RPIA: variants seen among roughly 807,000 people sequenced by gnomAD.
The protein encoded by RPIA is ribose-5-phosphate isomerase.
RPIA carries 29 observed loss-of-function variants against 37.8 expected under a neutral mutation model. The ratio of observed to expected loss-of-function variants is 0.77; its 90% CI spans 0.57 to 1.05. RPIA has a LOEUF of 1.05. Ranked by LOEUF, RPIA falls within the 50% of genes least tolerant of loss-of-function variation. The pLI is 0.00. For missense variants in RPIA, 385 were observed against 413.6 expected (o/e 0.93, Z 0.60); for synonymous variants, 167 against 157.0 (o/e 1.06, Z -0.48).
At chr2:88,696,084 A>G (rs1247383994) in intron 1 of RPIA, among the ~76,000 whole-genome samples, 3 of 152,060 alleles carry the variant, frequency 2.0e-5, no homozygotes, top group Non-Finnish European at 4.4e-5. Context: ...GGAATGAAGG[A>G]TTTTAGTTGT....
At chr2:88,707,362 G>T (rs1382569856) in intron 3 of RPIA, among the ~76,000 whole-genome samples, 2 of 151,524 alleles carry the variant, frequency 1.3e-5, no homozygotes, top group Non-Finnish European at 2.9e-5. Flanking sequence ...CTCAAGTCCT[G>T]CCTTTATTGG....
At chr2:88,704,253 T>G (rs1202611952) in intron 3 of RPIA, among the ~76,000 whole-genome samples, 3 of 152,194 alleles carry the variant, frequency 2.0e-5, no homozygotes, top group African/African-American at 7.2e-5. Flanking sequence ...GGTACCAACA[T>G]ACTGTGTTAG....
intron 3 of RPIA, among the ~76,000 whole-genome samples, chr2:88,704,348 G>A (rs746012237): frequency 2.0e-5 from 3 of 152,190 alleles, no homozygotes; most frequent in East Asian, 1.9e-4. Flanking sequence ...GCAGTTCCAC[G>A]TGGCTGGGGA....
Position 88,746,904 on chromosome 2 carries a change from G to A in RPIA, c.839-3077G>A, listed in dbSNP as rs1673444116. ...GGTTGGCCTTCAGCGAGGAGGTGGT[G>A]CTTTCAAGAAAGCATCAGCTGTAGT... is the stretch of plus-strand genomic sequence containing the variant. On this transcript the variant is annotated intron_variant, in intron 8 of 8. Coordinates refer to ENST00000283646, the MANE Select transcript of RPIA (RefSeq NM_144563.3). Among the ~76,000 whole-genome samples, 2 of 152,162 alleles carry A rather than the reference G, an allele frequency of 1.3e-5. 1 individual carries two copies. Among genetic ancestry groups the A allele is most frequent in the South Asian group, 4.1e-4 (2 of 4,824 alleles).
intron 7 of RPIA, among the ~76,000 whole-genome samples, chr2:88,737,574 C>G (rs1673329884): frequency 6.6e-6 from 1 of 152,122 alleles, no homozygotes; most frequent in Non-Finnish European, 1.5e-5. Context: ...GTTTCTTGCC[C>G]TTTTTCTTAT....
chr2:88,719,994 G>A (rs552564040), intron 3 of RPIA, among the ~76,000 whole-genome samples: 3 of 152,128 alleles, frequency 2.0e-5, no homozygotes, highest in Non-Finnish European at 4.4e-5. Context: ...TTCCACAGTA[G>A]TCCCTTGGCG....
intron 3 of RPIA, among the ~76,000 whole-genome samples, chr2:88,723,997 G>A (rs1356459751): frequency 6.6e-6 from 1 of 152,138 alleles, no homozygotes; most frequent in Non-Finnish European, 1.5e-5. Flanking sequence ...TTCCAAAGGA[G>A]GCAATCAGAT....
intron 8 of RPIA, among the ~76,000 whole-genome samples, chr2:88,749,355 T>C (rs924138531): frequency 7.2e-5 from 11 of 152,236 alleles, no homozygotes; most frequent in African/African-American, 2.7e-4. Flanking sequence ...CAGTGAATGA[T>C]TTTGAGCATC....
chr2:88,725,593 G>A (rs931988951), intron 3 of RPIA, among the ~76,000 whole-genome samples: 1 of 152,006 alleles, frequency 6.6e-6, no homozygotes, highest in African/African-American at 2.4e-5. Context: ...CAAAATTTCC[G>A]CTTTTAATAA....
At chr2:88,737,836 C>T in intron 7 of RPIA, 141 bp from the exon 8 acceptor site, 1 of 667,602 alleles carries the variant, frequency 1.5e-6, no homozygotes, top group Non-Finnish European at 2.8e-6. Flanking sequence ...CTGCTTATTA[C>T]CACTTCACAG....
intron 3 of RPIA, among the ~76,000 whole-genome samples, chr2:88,707,305 CT>C (rs112665683): frequency 7.4e-5 from 11 of 148,526 alleles, no homozygotes; most frequent in African/African-American, 7.4e-5. Flanking sequence ...TTGTGATTTT[CT>C]TTTTTTTTTG....
chr2:88,696,450 C>T lies in RPIA; in HGVS notation c.286-2034C>T, dbSNP rs149892479. Among the ~76,000 whole-genome samples the T allele has an allele frequency of 2.6e-5, 4 of 151,146 alleles. No homozygotes were observed. In the East Asian group the frequency reaches 5.8e-4, roughly 22 times the overall value. On this transcript the variant is annotated intron_variant, in intron 1 of 8. Coordinates refer to ENST00000283646, the MANE Select transcript of RPIA (RefSeq NM_144563.3). ...GTACTAGCTATGTGGGAAGCTGAGG[C>T]AGTAGGATTGTATGAGCCCAGGAGT...
intron 3 of RPIA, among the ~76,000 whole-genome samples, chr2:88,701,567 A>T (rs1476386441): frequency 6.6e-3 from 3 of 456 alleles, no homozygotes; most frequent in African/African-American, 0.013. Context: ...CCTGACCTCC[A>T]CTATTTCTTG....
chr2:88,696,021 A>G (rs1573458298), intron 1 of RPIA, among the ~76,000 whole-genome samples: 1 of 151,902 alleles, frequency 6.6e-6, no homozygotes, highest in East Asian at 1.9e-4. Context: ...GACCATATCT[A>G]ATGTGAGGCC....
At chr2:88,719,210 GAC>G (rs1202524608) in intron 3 of RPIA, among the ~76,000 whole-genome samples, 1 of 152,140 alleles carries the variant, frequency 6.6e-6, no homozygotes, top group Non-Finnish European at 1.5e-5. Flanking sequence ...CTATAGTCAA[GAC>G]ACAGTTGACA....
intron 1 of RPIA, among the ~76,000 whole-genome samples, chr2:88,696,858 G>A (rs921144444): frequency 1.3e-5 from 2 of 152,144 alleles, no homozygotes; most frequent in African/African-American, 4.8e-5. Flanking sequence ...TACCCATGAG[G>A]GTGGAGCCCT....
At chr2:88,733,866 A>G (rs1047812961) in intron 4 of RPIA, among the ~76,000 whole-genome samples, 80 of 152,184 alleles carry the variant, frequency 5.3e-4, no homozygotes, top group African/African-American at 1.9e-3. Flanking sequence ...TTTAAAAGCT[A>G]GATGAACCCA....
At chr2:88,710,727 C>T (rs1208785786) in intron 3 of RPIA, among the ~76,000 whole-genome samples, 1 of 152,188 alleles carries the variant, frequency 6.6e-6, no homozygotes, top group African/African-American at 2.4e-5. Flanking sequence ...TAGCTGGTGT[C>T]TTGGAAGATG....
chr2:88,718,344 A>C (rs1475828737), intron 3 of RPIA, among the ~76,000 whole-genome samples: 1 of 151,126 alleles, frequency 6.6e-6, no homozygotes, highest in Non-Finnish European at 1.5e-5. Flanking sequence ...AATAATAATT[A>C]CTTTTTTTAC....
Sources: allele counts gnomAD v4.1 joint callset (sites outside exome capture counted in the v4.1 genomes callset), GRCh38; gene constraint gnomAD v4.1.1; transcripts MANE v1.5; gene names NCBI Gene and HGNC (gene_info 2026-07-23, HGNC 2026-07-21).